Variants in TBC1D4 observed in about 807,000 individuals in gnomAD.
The protein encoded by TBC1D4 is TBC1 domain family member 4, also known as TBC (Tre-2, BUB2, CDC16) domain-containing protein.
A neutral mutation model predicts 142.5 loss-of-function variants in TBC1D4; 121 were observed. The observed-to-expected ratio is 0.85, with a 90% confidence interval of 0.73 to 0.99. The LOEUF is 0.99. Ranked by LOEUF, TBC1D4 falls within the 50% of genes least tolerant of loss-of-function variation. The pLI, the probability that TBC1D4 is intolerant of heterozygous loss-of-function variation, is 0.00. For synonymous variants in TBC1D4, 630 were observed against 628.2 expected (o/e 1.00, Z -0.04); for missense variants, 1,475 against 1,606.6 (o/e 0.92, Z 1.40).
In TBC1D4 at chr13:75,362,686, C is replaced by T. The variant is rs187820880; in HGVS notation, c.499-79G>A. ...CATTTACCTAGCCCAATTATTACCA[C>T]ATGGAATGTATTTTCATCCTAAATA... On this transcript the variant is annotated intron_variant, in intron 1 of 20. Transcript: ENST00000377636. The surrounding 1 kb of genome is among the most constrained non-coding windows in gnomAD (Gnocchi z 4.2). 4,760 of 1,449,248 alleles carry T rather than the reference C, an allele frequency of 3.3e-3. 10 individuals are homozygous for T. Among genetic ancestry groups the T allele is most frequent in the Non-Finnish European group, 3.9e-3 (4,043 of 1,041,928 alleles). 89.8% of individuals were successfully genotyped at this position (1,449,248 alleles called of 1,614,324 possible).
chr13:75,413,381 C>T (rs1054052909), intron 1 of TBC1D4, among the ~76,000 whole-genome samples: 28 of 152,218 alleles, frequency 1.8e-4, no homozygotes, highest in Non-Finnish European at 3.4e-4. Flanking sequence ...AGGGTGGTCT[C>T]GATCTCTTGA....
At chr13:75,422,695 T>C (rs1886219846) in intron 1 of TBC1D4, among the ~76,000 whole-genome samples, 1 of 152,194 alleles carries the variant, frequency 6.6e-6, no homozygotes, top group East Asian at 1.9e-4. Flanking sequence ...TGGGCATTTA[T>C]ATTAAAGATA....
At chr13:75,345,859 G>A (rs1881108610) in intron 5 of TBC1D4, among the ~76,000 whole-genome samples, 1 of 152,174 alleles carries the variant, frequency 6.6e-6, no homozygotes, top group Admixed American at 6.5e-5. Context: ...TTTAGAGCCA[G>A]CTTCTGACAA....
chr13:75,368,124 T>A (rs976366614), intron 1 of TBC1D4, among the ~76,000 whole-genome samples: 1 of 152,206 alleles, frequency 6.6e-6, no homozygotes, highest in Non-Finnish European at 1.5e-5. Context: ...CAAAGTAAAA[T>A]AGAAGTCTAA....
chr13:75,337,126 T>TA, intron 7 of TBC1D4, 86 bp from the exon 8 acceptor site: 1 of 1,282,504 alleles, frequency 7.8e-7, no homozygotes, highest in East Asian at 2.3e-5. Context: ...ACTAAGCTAT[T>TA]AAAAAACACA....
chr13:75,287,090 C>T (rs961147783), intron 20 of TBC1D4, 65 bp from the exon 21 acceptor site: 11 of 1,317,404 alleles, frequency 8.3e-6, no homozygotes, highest in South Asian at 6.0e-5. Flanking sequence ...AGTCCTTACA[C>T]ATATTAACCA....
At chr13:75,313,382 C>G (rs547182145) in intron 12 of TBC1D4, among the ~76,000 whole-genome samples, 1 of 152,192 alleles carries the variant, frequency 6.6e-6, no homozygotes, top group Non-Finnish European at 1.5e-5. Context: ...CAGCTACCAA[C>G]AGTTGAATCA....
intron 1 of TBC1D4, among the ~76,000 whole-genome samples, chr13:75,398,438 C>T (rs2097490102): frequency 6.6e-6 from 1 of 152,014 alleles, no homozygotes; most frequent in Admixed American, 6.6e-5. Flanking sequence ...CTACTGAAGG[C>T]GGGACAGAAG....
chr13:75,341,427 G>T (rs767907463), intron 6 of TBC1D4, 69 bp downstream of exon 6: 1 of 1,464,346 alleles, frequency 6.8e-7, no homozygotes, highest in Non-Finnish European at 9.6e-7. Context: ...ATGAAAACAG[G>T]AACGCATAAA....
intron 1 of TBC1D4, among the ~76,000 whole-genome samples, chr13:75,386,926 T>A (rs993572580): frequency 1.3e-5 from 2 of 152,174 alleles, no homozygotes; most frequent in African/African-American, 2.4e-5. Flanking sequence ...ATAATTTAGA[T>A]CTTTATCATT....
intron 1 of TBC1D4, among the ~76,000 whole-genome samples, chr13:75,425,378 G>A (rs937171406): frequency 9.9e-5 from 15 of 152,154 alleles, no homozygotes; most frequent in African/African-American, 3.6e-4. Flanking sequence ...CTATTGGCCA[G>A]GATGTAAATT....
intron 1 of TBC1D4, among the ~76,000 whole-genome samples, chr13:75,397,437 C>T (rs1884853039): frequency 1.3e-5 from 2 of 152,092 alleles, no homozygotes; most frequent in Admixed American, 1.3e-4. Context: ...AGAACTAATA[C>T]AGAATGTAAG....
intron 11 of TBC1D4, among the ~76,000 whole-genome samples, chr13:75,321,077 T>TCCTAC (rs1456619553): frequency 6.6e-6 from 1 of 151,594 alleles, no homozygotes; most frequent in African/African-American, 2.4e-5. Context: ...TTAGCGTATC[T>TCCTAC]CCTACCCTAC....
chr13:75,298,079 CA>C (rs1429012850), intron 17 of TBC1D4, among the ~76,000 whole-genome samples: 1 of 144,500 alleles, frequency 6.9e-6, no homozygotes, highest in Non-Finnish European at 1.5e-5. Flanking sequence ...ATATTAAAGG[CA>C]AAAAACTCAT....
At chr13:75,310,530 A>G (rs1456428654) in intron 13 of TBC1D4, among the ~76,000 whole-genome samples, 1 of 152,190 alleles carries the variant, frequency 6.6e-6, no homozygotes, top group African/African-American at 2.4e-5. Context: ...CCGAAGGTCT[A>G]CATCGATCAT....
At chr13:75,431,049 T>A (rs991557026) in intron 1 of TBC1D4, among the ~76,000 whole-genome samples, 2 of 152,208 alleles carry the variant, frequency 1.3e-5, no homozygotes, top group Non-Finnish European at 1.5e-5. Context: ...TAAGCTAAGC[T>A]ATTTCTGGAG....
chr13:75,371,695 G>GTAT (rs1883232102), intron 1 of TBC1D4, among the ~76,000 whole-genome samples: 1 of 152,172 alleles, frequency 6.6e-6, no homozygotes, highest in African/African-American at 2.4e-5. Flanking sequence ...ATGGCATCAA[G>GTAT]TATTTTAGGT....
intron 18 of TBC1D4, 23 bp downstream of exon 18, chr13:75,294,831 A>T: frequency 6.2e-7 from 1 of 1,610,854 alleles, no homozygotes; most frequent in Admixed American, 1.7e-5. Flanking sequence ...ATACTGTTCC[A>T]TTTAATTACA....
intron 19 of TBC1D4, among the ~76,000 whole-genome samples, chr13:75,289,377 C>CA (rs1875036731): frequency 6.6e-6 from 1 of 151,926 alleles, no homozygotes; most frequent in South Asian, 2.1e-4. Context: ...GCAATTGAAA[C>CA]ATTCTCATGA....
Sources: gnomAD v4.1 joint callset for allele counts (sites outside exome capture counted in the v4.1 genomes callset) on GRCh38, gnomAD v4.1.1 for gene constraint, Gnocchi (gnomAD v3.1) non-coding constraint, MANE v1.5 for transcripts, NCBI Gene and HGNC (gene_info 2026-07-23, HGNC 2026-07-21) for gene names.